POLN: variants seen among roughly 807,000 people sequenced by gnomAD.
POLN encodes the protein DNA polymerase nu, also known as DNA polymerase N.
Under a neutral mutation model 113.5 loss-of-function variants are expected in POLN, and 108 were observed. That is an observed-to-expected ratio of 0.95 (90% CI 0.81 to 1.12). The LOEUF is 1.12. Among genes scored for constraint, POLN ranks in the 50% most tolerant of loss-of-function variants. The probability of loss-of-function intolerance (pLI) is 0.00; values close to 1 mark genes in which losing one functional copy is unlikely to be tolerated. For synonymous variants in POLN, 386 were observed against 391.5 expected, an observed-to-expected ratio of 0.99 and a Z score of 0.17; for missense variants, 1,097 against 1,077.1, an observed-to-expected ratio of 1.02 and a Z score of -0.26.
chr4:2,220,112 A>G (rs887841707), intron 3 of POLN, among the ~76,000 whole-genome samples: 1 of 152,132 alleles, frequency 6.6e-6, no homozygotes, highest in Non-Finnish European at 1.5e-5. Context: ...TTCGCCTCTC[A>G]GCTACAAATT....
At chr4:2,159,087 A>C in intron 14 of POLN, 68 bp downstream of exon 14, 1 of 1,192,464 alleles carries the variant, frequency 8.4e-7, no homozygotes, top group Non-Finnish European at 1.2e-6. Context: ...ATTTGTGTTG[A>C]CAGACACAGG....
Position 2,212,541 on chromosome 4 carries a change from AT to A in POLN, c.213+505del, listed in dbSNP as rs541104175. 6.1e-3 allele frequency among the ~76,000 whole-genome samples: 871 copies of A among 143,778 alleles called. 3 individuals are homozygous for A. The highest frequency in any genetic ancestry group is 0.011 in the Middle Eastern group (3 of 278). The allele number at this position is 143,778 out of a possible 152,430, so 94.3% of individuals were successfully genotyped here. On this transcript the variant is annotated intron_variant, in intron 4 of 25. Coordinates refer to ENST00000511885, the MANE Select transcript of POLN (RefSeq NM_181808.4). The stretch of plus-strand genomic sequence containing the variant: ...AGGAGCATGCCACCATGCCCAGTTA[AT>A]TTTTTTTTTTTTGTATTATTTTTTG...
At chr4:2,227,306 A>C (rs1734423024) in intron 3 of POLN, among the ~76,000 whole-genome samples, 1 of 152,158 alleles carries the variant, frequency 6.6e-6, no homozygotes, top group Non-Finnish European at 1.5e-5. Context: ...AAGAAACTGA[A>C]TTCTGTCAAC....
intron 3 of POLN, among the ~76,000 whole-genome samples, chr4:2,226,123 A>G (rs1306925227): frequency 6.6e-6 from 1 of 152,154 alleles, no homozygotes; most frequent in African/African-American, 2.4e-5. Context: ...CCTCTAGGAC[A>G]CTGTTATCAT....
chr4:2,155,582 CAT>C (rs762033236), intron 16 of POLN, among the ~76,000 whole-genome samples: 3 of 152,106 alleles, frequency 2.0e-5, no homozygotes, highest in South Asian at 4.1e-4. Flanking sequence ...GGGACAGACA[CAT>C]GTTACGGAGG....
chr4:2,157,982 C>T (rs562717071), intron 14 of POLN, 71 bp from the exon 15 acceptor site: 17 of 1,221,338 alleles, frequency 1.4e-5, no homozygotes, highest in Admixed American at 5.5e-5. Context: ...GAAGGAGTCT[C>T]GCTCCATTGC....
In POLN at chr4:2,085,598, T is replaced by C. The variant is rs758132915; in HGVS notation, c.2197+15A>G. 35 of 1,613,384 alleles carry C rather than the reference T, an allele frequency of 2.2e-5. No homozygotes were observed. The highest frequency in any genetic ancestry group is 2.9e-5 in the Non-Finnish European group (34 of 1,179,892). On this transcript the variant is annotated intron_variant, in intron 21 of 25. Transcript: ENST00000511885. ...GTTGGCAGGGAGCAGGGAGCTCTGG[T>C]TGTGGCCAACTCACCTGTCTGGTGA...
chr4:2,108,435 T>C (rs879633899), intron 19 of POLN, among the ~76,000 whole-genome samples: 14 of 152,186 alleles, frequency 9.2e-5, no homozygotes, highest in Non-Finnish European at 2.1e-4. Flanking sequence ...AAGAACTTGA[T>C]AAATATTAGC....
chr4:2,106,369 C>T (rs1207631484), intron 19 of POLN, among the ~76,000 whole-genome samples: 1 of 152,204 alleles, frequency 6.6e-6, no homozygotes, highest in African/African-American at 2.4e-5. Context: ...CTTTGGAGGT[C>T]TTGCAAGACT....
At chr4:2,170,409 A>C (rs1732830433) in intron 13 of POLN, among the ~76,000 whole-genome samples, 1 of 152,224 alleles carries the variant, frequency 6.6e-6, no homozygotes, top group Non-Finnish European at 1.5e-5. Context: ...TGGATTGTCA[A>C]GAAATTGGTT....
chr4:2,135,520 C>T (rs868808541), intron 16 of POLN, among the ~76,000 whole-genome samples: 1 of 152,228 alleles, frequency 6.6e-6, no homozygotes, highest in Non-Finnish European at 1.5e-5. Flanking sequence ...AGCCATCAGA[C>T]AGAGTGCCGT....
At chr4:2,236,287 C>T (rs769193837) in intron 2 of POLN, 2 of 1,613,678 alleles carry the variant, frequency 1.2e-6, no homozygotes, top group South Asian at 1.1e-5. Flanking sequence ...AGCATGTCCA[C>T]ATCCTTATTC....
chr4:2,136,229 G>A (rs1326129722), intron 16 of POLN, among the ~76,000 whole-genome samples: 4 of 152,196 alleles, frequency 2.6e-5, no homozygotes, highest in Middle Eastern at 3.2e-3. Flanking sequence ...CCCAAACTAC[G>A]GAGATGGAAG....
intron 23 of POLN, chr4:2,080,196 T>A (rs1730372100): frequency 1.0e-6 from 1 of 987,098 alleles, no homozygotes; most frequent in African/African-American, 1.7e-5. Context: ...AGGAGGTGTC[T>A]GGGTCACCAC....
intron 19 of POLN, among the ~76,000 whole-genome samples, chr4:2,121,316 TC>T (rs1229777800): frequency 6.6e-6 from 1 of 151,898 alleles, no homozygotes; most frequent in East Asian, 1.9e-4. Flanking sequence ...ATGTCTGTAA[TC>T]CCAGCTACTC....
At chr4:2,170,124 C>A (rs1732823199) in intron 13 of POLN, among the ~76,000 whole-genome samples, 1 of 152,216 alleles carries the variant, frequency 6.6e-6, no homozygotes, top group Non-Finnish European at 1.5e-5. Context: ...AGCTGGTTCT[C>A]ACCACAGTAA....
At chr4:2,131,963 T>C (rs187008522) in intron 16 of POLN, among the ~76,000 whole-genome samples, 38 of 152,340 alleles carry the variant, frequency 2.5e-4, no homozygotes, top group Non-Finnish European at 4.4e-4. Flanking sequence ...TGTCTGGGAA[T>C]AGAACTCACT....
chr4:2,160,054 T>C (rs1275299484), intron 13 of POLN, among the ~76,000 whole-genome samples: 1 of 152,180 alleles, frequency 6.6e-6, no homozygotes, highest in Non-Finnish European at 1.5e-5. Context: ...AAAGTAAACA[T>C]ACCTGTTTAT....
intron 23 of POLN, among the ~76,000 whole-genome samples, chr4:2,077,702 A>G (rs1009949984): frequency 2.0e-5 from 3 of 152,236 alleles, no homozygotes; most frequent in African/African-American, 7.2e-5. Flanking sequence ...CACTTCTTGA[A>G]ATTACATTGT....
Sources: allele counts gnomAD v4.1 joint callset (sites outside exome capture counted in the v4.1 genomes callset), GRCh38; gene constraint gnomAD v4.1.1; transcripts MANE v1.5; gene names NCBI Gene and HGNC (gene_info 2026-07-23, HGNC 2026-07-21).